VAT1L: variants seen among roughly 807,000 people sequenced by gnomAD.
VAT1L encodes putative NADPH-dependent quinone oxidoreductase VAT1L.
Under a neutral mutation model 44.1 loss-of-function variants are expected in VAT1L, and 34 were observed. The ratio of observed to expected loss-of-function variants is 0.77; its 90% CI spans 0.59 to 1.03. The LOEUF is 1.03. Among genes scored for constraint, VAT1L ranks in the 50% least tolerant of loss-of-function variants. VAT1L has a pLI of 0.00. For synonymous variants in VAT1L, 253 were observed against 202.2 expected, an observed-to-expected ratio of 1.25 and a Z score of -2.13; for missense variants, 615 against 538.8, an observed-to-expected ratio of 1.14 and a Z score of -1.40.
intron 3 of VAT1L, among the ~76,000 whole-genome samples, chr16:77,852,299 G>A (rs1347878788): frequency 6.6e-6 from 1 of 152,194 alleles, no homozygotes; most frequent in South Asian, 2.1e-4. Flanking sequence ...CTTTGGGAAA[G>A]CAAAAGTCAC....
chr16:77,890,393 G>A (rs550628906), intron 7 of VAT1L, among the ~76,000 whole-genome samples: 1 of 152,220 alleles, frequency 6.6e-6, no homozygotes, highest in East Asian at 1.9e-4. Context: ...AGAGGAGTTT[G>A]AGCTTACATC....
intron 4 of VAT1L, among the ~76,000 whole-genome samples, chr16:77,867,448 C>T (rs1209581354): frequency 6.6e-6 from 1 of 151,950 alleles, no homozygotes; most frequent in Non-Finnish European, 1.5e-5. Flanking sequence ...AATATCATCT[C>T]AGACCTTTTG....
chr16:77,950,409 A>ACAACAACACACACAC (rs2018027878), intron 7 of VAT1L, among the ~76,000 whole-genome samples: 1 of 131,432 alleles, frequency 7.6e-6, no homozygotes, highest in Non-Finnish European at 1.6e-5. Context: ...ATTCCATCTA[A>ACAACAACACACACAC]ACACACACAC....
chr16:77,843,210 A>G (rs1245260740), intron 3 of VAT1L, among the ~76,000 whole-genome samples: 1 of 152,196 alleles, frequency 6.6e-6, no homozygotes, highest in East Asian at 1.9e-4. Flanking sequence ...TTGTGGGAGC[A>G]TCAAGGTGAC....
At chr16:77,802,675 T>C (rs1347331521) in intron 1 of VAT1L, among the ~76,000 whole-genome samples, 1 of 145,482 alleles carries the variant, frequency 6.9e-6, no homozygotes, top group East Asian at 2.0e-4. Context: ...CACACTAAAG[T>C]TGCATCCATT....
intron 6 of VAT1L, chr16:77,882,497 T>A (rs1332508749): frequency 6.6e-6 from 1 of 152,244 alleles, no homozygotes; most frequent in Non-Finnish European, 1.5e-5. Flanking sequence ...TGGCAGACAC[T>A]GTGCTAAGCA....
At chr16:77,880,071 G>T (rs977247546) in intron 6 of VAT1L, among the ~76,000 whole-genome samples, 1 of 152,188 alleles carries the variant, frequency 6.6e-6, no homozygotes, top group Non-Finnish European at 1.5e-5. Flanking sequence ...CCATTGCAAA[G>T]CGACATCCCT....
chr16:77,853,798 A>G (rs140257530), intron 3 of VAT1L, among the ~76,000 whole-genome samples: 134 of 152,130 alleles, frequency 8.8e-4, no homozygotes, highest in Middle Eastern at 3.4e-3. Context: ...AAAATAAGAC[A>G]CTGTCCACCA....
intron 4 of VAT1L, among the ~76,000 whole-genome samples, chr16:77,869,966 G>C (rs1567493051): frequency 6.6e-6 from 1 of 152,260 alleles, no homozygotes; most frequent in East Asian, 1.9e-4. Context: ...CATAATAGGA[G>C]CTTATTTTAA....
intron 3 of VAT1L, among the ~76,000 whole-genome samples, chr16:77,835,371 T>C (rs2016628522): frequency 6.6e-6 from 1 of 152,202 alleles, no homozygotes; most frequent in South Asian, 2.1e-4. Context: ...GCCTCTGGTA[T>C]GTAATATTCA....
intron 7 of VAT1L, among the ~76,000 whole-genome samples, chr16:77,926,204 G>A (rs1269319625): frequency 6.8e-6 from 1 of 147,234 alleles, no homozygotes; most frequent in African/African-American, 2.5e-5. Context: ...AGTGAGCCGA[G>A]ATCGCACCAC....
intron 7 of VAT1L, among the ~76,000 whole-genome samples, chr16:77,961,732 G>A (rs1322258084): frequency 1.3e-5 from 2 of 152,108 alleles, no homozygotes; most frequent in Non-Finnish European, 2.9e-5. Flanking sequence ...TCCTTGGAGA[G>A]GAAACCAGGT....
intron 7 of VAT1L, among the ~76,000 whole-genome samples, chr16:77,956,864 T>C (rs72796767): frequency 1.3e-5 from 2 of 152,356 alleles, no homozygotes; most frequent in African/African-American, 2.4e-5. Context: ...CTCTGTTGGC[T>C]GACTAATTTT....
chr16:77,963,208 G>A (rs1489940377), intron 7 of VAT1L, among the ~76,000 whole-genome samples: 1 of 152,110 alleles, frequency 6.6e-6, no homozygotes, highest in Admixed American at 6.6e-5. Context: ...CTGTGAATCT[G>A]GTACCTCACA....
At chr16:77,837,413 T>C (rs765115015) in intron 3 of VAT1L, among the ~76,000 whole-genome samples, 14 of 152,158 alleles carry the variant, frequency 9.2e-5, no homozygotes, top group Non-Finnish European at 1.9e-4. Context: ...GCTGCATCTA[T>C]GAAATTAAAC....
At chr16:77,841,316 C>G (rs775175725) in intron 3 of VAT1L, among the ~76,000 whole-genome samples, 4 of 152,224 alleles carry the variant, frequency 2.6e-5, no homozygotes, top group Admixed American at 1.3e-4. Flanking sequence ...CTCCTGGGCT[C>G]ATGCAGTCCT....
chr16:77,788,620 A>G lies in VAT1L; in HGVS notation c.-63A>G. Reference sequence around the variant, plus strand: ...GAGGAACCCGCGGGAGAGGAGCCCCACTCCCCCAGCGCCGCAGCCACCGCA... The same window carrying G: ...GAGGAACCCGCGGGAGAGGAGCCCCGCTCCCCCAGCGCCGCAGCCACCGCA... On this transcript the variant is annotated 5_prime_UTR_variant, in exon 1 of 9. Transcript: ENST00000302536. 6.6e-7 allele frequency: 1 copy of G among 1,517,218 alleles called. No individual in the cohort carries two copies. The highest frequency in any genetic ancestry group is 1.2e-5 in the South Asian group (1 of 82,762). 94.0% of individuals were successfully genotyped at this position (1,517,218 alleles called of 1,614,324 possible).
chr16:77,811,088 C>T (rs146570859), intron 1 of VAT1L, among the ~76,000 whole-genome samples: 237 of 152,194 alleles, frequency 1.6e-3, no homozygotes, highest in African/African-American at 5.5e-3. Context: ...AAGTAGGTTT[C>T]GGAAGAGGGA....
intron 1 of VAT1L, 32 bp downstream of exon 1, chr16:77,788,947 C>G: frequency 1.4e-6 from 2 of 1,442,306 alleles, no homozygotes; most frequent in Non-Finnish European, 1.8e-6. Context: ...CGCTTTCTCT[C>G]TTTTTGCGCG....
Sources: allele counts gnomAD v4.1 joint callset (sites outside exome capture counted in the v4.1 genomes callset), GRCh38; gene constraint gnomAD v4.1.1; transcripts MANE v1.5; gene names NCBI Gene and HGNC (gene_info 2026-07-23, HGNC 2026-07-21).